CCDC196: variants seen among roughly 807,000 people sequenced by gnomAD.
The protein encoded by CCDC196 is coiled-coil domain containing 196.
chr14:66,494,671 T>C (rs764684195), intron 8 of CCDC196: 2 of 152,178 alleles, frequency 1.3e-5, no homozygotes, highest in Non-Finnish European at 2.9e-5. Flanking sequence ...TTTAATGTTC[T>C]AGAAAAATAC....
At chr14:66,489,563 T>C (rs929486733) in intron 4 of CCDC196, among the ~76,000 whole-genome samples, 2 of 152,138 alleles carry the variant, frequency 1.3e-5, no homozygotes, top group Non-Finnish European at 2.9e-5. Flanking sequence ...AATAGCACTG[T>C]TTATAATATA....
intron 4 of CCDC196, among the ~76,000 whole-genome samples, chr14:66,490,416 T>C (rs1400240062): frequency 6.6e-6 from 1 of 152,172 alleles, no homozygotes; most frequent in Non-Finnish European, 1.5e-5. Flanking sequence ...GAAATAAAAA[T>C]GGTCCTCAAA....
At position 66,498,533 on chromosome 14, in the gene CCDC196, A is replaced by T; in HGVS notation, c.*61A>T. 1 of 411,238 alleles carries T rather than the reference A, an allele frequency of 2.4e-6. No homozygotes were observed. Among genetic ancestry groups the T allele is most frequent in the Non-Finnish European group, 4.4e-6 (1 of 224,898 alleles). 25.5% of individuals were successfully genotyped at this position (411,238 alleles called of 1,614,324 possible). ...AGACTAGGCACAGCCATTTGTGTTA[A>T]TTAAAATCTCTCGCACCTTTGTTTT... On this transcript the variant is annotated 3_prime_UTR_variant, in exon 10 of 10. Coordinates refer to ENST00000636229, the MANE Select transcript of CCDC196 (RefSeq NM_001351576.1).
chr14:66,495,991 T>C (rs1248996005), intron 8 of CCDC196, among the ~76,000 whole-genome samples: 1 of 152,190 alleles, frequency 6.6e-6, no homozygotes, highest in African/African-American at 2.4e-5. Context: ...CCTTGTAGAA[T>C]AGTGTTCCCT....
intron 8 of CCDC196, among the ~76,000 whole-genome samples, chr14:66,492,509 T>G (rs935163296): frequency 1.3e-5 from 2 of 151,888 alleles, no homozygotes; most frequent in Middle Eastern, 3.2e-3. Context: ...GCCCAGCTAA[T>G]TTTTGTATTT....
At chr14:66,490,156 T>C (rs972412704) in intron 4 of CCDC196, among the ~76,000 whole-genome samples, 3 of 152,332 alleles carry the variant, frequency 2.0e-5, no homozygotes, top group East Asian at 1.9e-4. Context: ...GTCCTCGTAA[T>C]AGGAAATGTG....
chr14:66,487,663 C>A (rs1173468671), intron 2 of CCDC196, among the ~76,000 whole-genome samples: 1 of 152,174 alleles, frequency 6.6e-6, no homozygotes, highest in Non-Finnish European at 1.5e-5. Flanking sequence ...GGCTTGCATT[C>A]TCTGGGGCTA....
rs574913146 is a variant in CCDC196 at position 66,488,074 on chromosome 14, G to T, written c.204-86G>T. The T allele has an allele frequency of 7.4e-6, 3 of 407,946 alleles. No homozygotes were observed. In the East Asian group the frequency reaches 1.1e-4, roughly 15 times the overall value. The allele number at this position is 407,946 out of a possible 1,614,324, so 25.3% of individuals were successfully genotyped here. A position where few individuals can be genotyped will look rare whatever the true frequency, so the allele number is the denominator to read the frequency against. ...ATTTCAGTCGCCATCTAACTTTCAT[G>T]GTAGAGTACTTTCTGACTAGTTGCA... On this transcript the variant is annotated intron_variant, in intron 2 of 9. Transcript: ENST00000636229.
Position 66,489,012 on chromosome 14 carries a change from AG to A in CCDC196, c.328del (p.Glu110LysfsTer57), listed in dbSNP as rs1028038018. 2.4e-6 allele frequency: 1 copy of A among 413,238 alleles called. No homozygotes were observed. Among genetic ancestry groups the A allele is most frequent in the Non-Finnish European group, 4.4e-6 (1 of 226,016 alleles). The allele number at this position is 413,238 out of a possible 1,614,324, so 25.6% of individuals were successfully genotyped here. A position where few individuals can be genotyped will look rare whatever the true frequency, so the allele number is the denominator to read the frequency against. On this transcript the variant is annotated frameshift_variant, in exon 4 of 10. Coordinates refer to ENST00000636229, the MANE Select transcript of CCDC196 (RefSeq NM_001351576.1). LOFTEE classifies it high-confidence loss of function. The stretch of plus-strand genomic sequence containing the variant: ...GAAAGGAAAAACAAGATGCTTCGGA[AG>A]GAAATGGAGATGCTATGGAACAAGG... ...NLERKNKMLR[K>X]EMEMLWNKTF...
chr14:66,494,023 T>A (rs959583512), intron 8 of CCDC196: 1 of 152,210 alleles, frequency 6.6e-6, no homozygotes, highest in Admixed American at 6.5e-5. Context: ...AACTTGATTG[T>A]CTCAGGAGAT....
chr14:66,496,149 T>C (rs1280213667), intron 8 of CCDC196: 4 of 377,768 alleles, frequency 1.1e-5, no homozygotes, highest in Non-Finnish European at 2.1e-5. Context: ...AAGAATTGAA[T>C]TGCACAAACC....
chr14:66,496,771 T>G (rs1566718378), intron 8 of CCDC196: 1 of 160,830 alleles, frequency 6.2e-6, no homozygotes, highest in Non-Finnish European at 1.4e-5. Flanking sequence ...TGTTAAGACA[T>G]TTGATTCTGA....
rs2057400583 is a variant in CCDC196, at chr14:66,486,472, G to GC, written c.-29dup. 3 of 408,248 alleles carry GC rather than the reference G, an allele frequency of 7.3e-6. No individual in the cohort carries two copies. The allele number at this position is 408,248 out of a possible 1,614,324, so 25.3% of individuals were successfully genotyped here. ...AAAAAAGGCACATATTTTCAGGAAG[G>GC]CCTCTTTATTCTTAGAAGTTACCCT... On this transcript the variant is annotated 5_prime_UTR_variant, in exon 1 of 10. Coordinates refer to ENST00000636229, the MANE Select transcript of CCDC196 (RefSeq NM_001351576.1).
At chr14:66,487,188 T>C (rs1234480544) in intron 2 of CCDC196, among the ~76,000 whole-genome samples, 1 of 152,170 alleles carries the variant, frequency 6.6e-6, no homozygotes, top group Non-Finnish European at 1.5e-5. Flanking sequence ...GGAATGGCAG[T>C]ATTTTCTAAG....
chr14:66,497,967 A>C (rs2057705675), intron 8 of CCDC196, 142 bp from the exon 9 acceptor site: 4 of 402,446 alleles, frequency 9.9e-6, no homozygotes, highest in Non-Finnish European at 1.4e-5. Context: ...ATTGTTTGAC[A>C]AAGTTATTTT....
At chr14:66,492,338 T>C (rs1373267800) in intron 8 of CCDC196, 144 bp downstream of exon 8, 41 of 244,244 alleles carry the variant, frequency 1.7e-4, no homozygotes, top group Non-Finnish European at 3.2e-5. Flanking sequence ...TTTTTCATTA[T>C]CTTTTTTTTT....
At chr14:66,493,122 A>C (rs1372682888) in intron 8 of CCDC196, among the ~76,000 whole-genome samples, 1 of 148,928 alleles carries the variant, frequency 6.7e-6, no homozygotes, top group Non-Finnish European at 1.5e-5. Flanking sequence ...AAGGGATGAC[A>C]ATGTTCTATC....
At chr14:66,486,847 G>C (rs2139571366) in intron 2 of CCDC196, 38 bp downstream of exon 2, 1 of 412,268 alleles carries the variant, frequency 2.4e-6, no homozygotes, top group Non-Finnish European at 4.4e-6. Context: ...AGGTAAAAAG[G>C]CTGGAGAACT....
Position 66,486,814 on chromosome 14 carries a change from G to C in CCDC196, c.203+5G>C. The stretch of plus-strand genomic sequence containing the variant: ...CTTGGAGGAAAAACAAAGGAGGTAC[G>C]GGCTCTTACTCTGGATTCCTAGAGG... On this transcript the variant is annotated splice_donor_5th_base_variant and intron_variant, in intron 2 of 9. Coordinates refer to ENST00000636229, the MANE Select transcript of CCDC196 (RefSeq NM_001351576.1). The C allele has an allele frequency of 2.4e-6, 1 of 412,980 alleles. No individual in the cohort carries two copies. Among genetic ancestry groups the C allele is most frequent in the Non-Finnish European group, 4.4e-6 (1 of 225,998 alleles). 25.6% of individuals were successfully genotyped at this position (412,980 alleles called of 1,614,324 possible).
Sources: allele counts gnomAD v4.1 joint callset (sites outside exome capture counted in the v4.1 genomes callset), GRCh38; gene constraint gnomAD v4.1.1; transcripts MANE v1.5; gene names NCBI Gene and HGNC (gene_info 2026-07-23, HGNC 2026-07-21).